ZC3H12B: variants seen among roughly 807,000 people sequenced by gnomAD.
ZC3H12B encodes probable ribonuclease ZC3H12B.
ZC3H12B carries 7 observed loss-of-function variants against 43.9 expected under a neutral mutation model. The ratio of observed to expected loss-of-function variants is 0.16; its 90% confidence interval spans 0.09 to 0.30. ZC3H12B has a LOEUF of 0.30. Among genes scored for constraint, ZC3H12B ranks in the 10% least tolerant of loss-of-function variants. ZC3H12B has a pLI of 1.00. For synonymous variants in ZC3H12B, 222 were observed against 241.7 expected (o/e 0.92, Z 0.76); for missense variants, 475 against 670.2 (o/e 0.71, Z 3.22).
intron 3 of ZC3H12B, among the ~76,000 whole-genome samples, chrX:65,449,900 T>A (rs945885370): frequency 1.8e-5 from 2 of 111,434 alleles, no homozygotes; most frequent in African/African-American, 6.5e-5. Flanking sequence ...TATGTTGGGT[T>A]CAATTTACAC....
intron 3 of ZC3H12B, among the ~76,000 whole-genome samples, chrX:65,455,821 T>C (rs937444244): frequency 2.7e-4 from 30 of 111,925 alleles, no homozygotes; most frequent in Non-Finnish European, 9.4e-5. Context: ...GGGGCCAATA[T>C]TCAACATTCT....
chrX:65,171,106 G>A, the ZC3H12B span, among the ~76,000 whole-genome samples: 1 of 111,435 alleles, frequency 9.0e-6, no homozygotes, highest in Admixed American at 9.6e-5. Context: ...TTTTTTGGAG[G>A]AGAAGAGGCA....
intron 3 of ZC3H12B, among the ~76,000 whole-genome samples, chrX:65,471,706 C>T (rs1464644100): frequency 9.0e-6 from 1 of 110,712 alleles, no homozygotes; most frequent in African/African-American, 3.3e-5. Flanking sequence ...CCACCTTCGC[C>T]TCACATAGTG....
intron 3 of ZC3H12B, among the ~76,000 whole-genome samples, chrX:65,455,198 G>C (rs1413975510): frequency 8.9e-6 from 1 of 112,011 alleles, no homozygotes. Flanking sequence ...GAGGAAGTTT[G>C]AACCCATGGC....
At chrX:65,306,654 C>A in the ZC3H12B span, among the ~76,000 whole-genome samples, 1 of 111,999 alleles carries the variant, frequency 8.9e-6, no homozygotes, top group African/African-American at 3.2e-5. Context: ...GGATTACAGG[C>A]ATGAGCCACT....
chrX:65,341,978 T>A, the ZC3H12B span, among the ~76,000 whole-genome samples: 1 of 110,948 alleles, frequency 9.0e-6, no homozygotes, highest in Non-Finnish European at 1.9e-5. Context: ...GCTACCTGGA[T>A]AAAGAACCAA....
intron 2 of ZC3H12B, among the ~76,000 whole-genome samples, chrX:65,384,693 A>T (rs1358807887): frequency 1.8e-5 from 2 of 111,735 alleles, no homozygotes; most frequent in Non-Finnish European, 3.8e-5. Flanking sequence ...AATGGACTAA[A>T]TTCTACAATC....
chrX:65,099,318 T>C, the ZC3H12B span, among the ~76,000 whole-genome samples: 1 of 111,752 alleles, frequency 8.9e-6, no homozygotes, highest in African/African-American at 3.3e-5. Context: ...GCCTGCCAGC[T>C]CTGAAAAGAG....
chrX:65,207,660 G>A, the ZC3H12B span, among the ~76,000 whole-genome samples: 1 of 102,461 alleles, frequency 9.8e-6, no homozygotes, highest in African/African-American at 3.7e-5. Context: ...GGCAATGCGG[G>A]CTCTTTTTTG....
chrX:65,301,954 C>G, the ZC3H12B span, among the ~76,000 whole-genome samples: 1 of 110,937 alleles, frequency 9.0e-6, no homozygotes, highest in African/African-American at 3.3e-5. Flanking sequence ...GATCCTTTCT[C>G]AAAATCCACG....
upstream of ZC3H12B, among the ~76,000 whole-genome samples, chrX:65,364,390 C>T (rs1260941818): frequency 1.9e-5 from 2 of 105,335 alleles, no homozygotes; most frequent in African/African-American, 7.0e-5. Context: ...AAAAACTCTT[C>T]TCAAGGTAGC....
At chrX:65,455,955 C>T (rs2067602373) in intron 3 of ZC3H12B, among the ~76,000 whole-genome samples, 1 of 111,638 alleles carries the variant, frequency 9.0e-6, no homozygotes, top group South Asian at 3.8e-4. Context: ...CCAGGCCTTC[C>T]CTAAAAGAGC....
chrX:65,110,466 G>A, the ZC3H12B span, among the ~76,000 whole-genome samples: 3 of 108,918 alleles, frequency 2.8e-5, no homozygotes, highest in East Asian at 2.9e-4. Context: ...AGTAACTTTG[G>A]TATAAGACAT....
At chrX:65,184,491 G>C in the ZC3H12B span, among the ~76,000 whole-genome samples, 1 of 111,631 alleles carries the variant, frequency 9.0e-6, no homozygotes, top group African/African-American at 3.3e-5. Context: ...AGATATTGCA[G>C]AAGGTGGATT....
chrX:65,122,654 G>T, the ZC3H12B span, among the ~76,000 whole-genome samples: 2 of 111,006 alleles, frequency 1.8e-5, no homozygotes, highest in Non-Finnish European at 1.9e-5. Context: ...CACGTGCAGA[G>T]ACACACATAG....
chrX:65,480,733 C>A (rs1361081687), intron 3 of ZC3H12B, among the ~76,000 whole-genome samples: 1 of 109,714 alleles, frequency 9.1e-6, no homozygotes, highest in African/African-American at 3.3e-5. Context: ...GTAATCCCAG[C>A]AACTCGGGAG....
At chrX:65,416,498 C>T (rs183985129) in intron 3 of ZC3H12B, among the ~76,000 whole-genome samples, 36 of 110,567 alleles carry the variant, frequency 3.3e-4, no homozygotes, top group Middle Eastern at 4.7e-3. Context: ...AATGCAAAAT[C>T]GGGCCGGGTG....
the ZC3H12B span, among the ~76,000 whole-genome samples, chrX:65,171,441 A>T: frequency 9.0e-6 from 1 of 110,839 alleles, no homozygotes; most frequent in Non-Finnish European, 1.9e-5. Flanking sequence ...ATGAGGTGTC[A>T]GTCGGCCCGT....
chrX:65,170,486 T>C, the ZC3H12B span, among the ~76,000 whole-genome samples: 3 of 111,670 alleles, frequency 2.7e-5, no homozygotes, highest in Non-Finnish European at 5.6e-5. Flanking sequence ...TCTTTTCAAC[T>C]TTGGTGAATC....
Sources: gnomAD v4.1 joint callset for allele counts (sites outside exome capture counted in the v4.1 genomes callset) on GRCh38, gnomAD v4.1.1 for gene constraint, MANE v1.5 for transcripts, NCBI Gene and HGNC (gene_info 2026-07-23, HGNC 2026-07-21) for gene names.